The following ZNF326 variants were observed in gnomAD, a reference collection of about 807,000 sequenced individuals.
ZNF326 encodes zinc finger protein 326.
In ZNF326, 30 loss-of-function variants were observed where a neutral mutation model predicts 63.1. The observed-to-expected ratio is 0.48, with a 90% CI of 0.36 to 0.64. The LOEUF is 0.64. Ranked by LOEUF, ZNF326 falls within the 30% of genes least tolerant of loss-of-function variation. The pLI is 0.00. For missense variants in ZNF326, 609 were observed against 720.3 expected (o/e 0.85, Z 1.77); for synonymous variants, 194 against 228.2 (o/e 0.85, Z 1.35).
At chr1:90,010,385 C>A in intron 6 of ZNF326, 99 bp downstream of exon 6, 1 of 1,244,836 alleles carries the variant, frequency 8.0e-7, no homozygotes, top group South Asian at 1.5e-5. Context: ...ACAGAAACTA[C>A]ATAACAATTA....
chr1:90,012,108 A>G (rs1296373059), intron 6 of ZNF326, among the ~76,000 whole-genome samples: 1 of 152,218 alleles, frequency 6.6e-6, no homozygotes, highest in Non-Finnish European at 1.5e-5. Flanking sequence ...TGCTAAGATT[A>G]CAGGCATGAG....
rs562691106 is a variant in ZNF326, at chr1:90,026,164, C to T, written c.1402-1190C>T. 1.5e-3 allele frequency among the ~76,000 whole-genome samples: 222 copies of T among 152,096 alleles called. 2 individuals are homozygous for T. Among genetic ancestry groups the T allele is most frequent in the African/African-American group, 4.9e-3 (202 of 41,512 alleles). ...ATGTTTAGTGGAGTCGGGGTTTCAC[C>T]GTGTTAGCCAGGATGATCTCAATCT... On this transcript the variant is annotated intron_variant, in intron 11 of 11. Transcript: ENST00000340281.
At chr1:90,026,830 G>A (rs1270047148) in intron 11 of ZNF326, among the ~76,000 whole-genome samples, 2 of 152,108 alleles carry the variant, frequency 1.3e-5, no homozygotes, top group Non-Finnish European at 2.9e-5. Flanking sequence ...TATAATTGAA[G>A]TATTAAAATA....
In ZNF326 at chr1:90,033,059, C is replaced by T. The variant is rs960571887; in HGVS notation, c.*5358C>T. On this transcript the variant is annotated 3_prime_UTR_variant, in exon 12 of 12. Coordinates refer to ENST00000340281, the MANE Select transcript of ZNF326 (RefSeq NM_182976.4). Reference sequence around the variant, plus strand: ...ATTAAAATGCTAGGTTTCCTGTAATCGCAATCTTCAGGGAATTTTTCACTC... The same window carrying T: ...ATTAAAATGCTAGGTTTCCTGTAATTGCAATCTTCAGGGAATTTTTCACTC... 2 of 152,246 alleles carry T rather than the reference C, an allele frequency of 1.3e-5. No homozygotes were observed. Among genetic ancestry groups the T allele is most frequent in the Middle Eastern group, 3.4e-3 (1 of 294 alleles). The allele number at this position is 152,246 out of a possible 1,614,324, so 9.4% of individuals were successfully genotyped here. A position where few individuals can be genotyped will look rare whatever the true frequency, so the allele number is the denominator to read the frequency against.
chr1:90,027,418 A>T lies in ZNF326; in HGVS notation c.1466A>T (p.Asp489Val), dbSNP rs1342867371. Residue 489 changes from aspartate to valine, a missense_variant, in exon 12 of 12, where the codon GAT becomes GTT. By Grantham distance (152) the Asp-to-Val change is radical. Around this residue, in one of 3 missense-constraint regions of ZNF326, gnomAD observed 399 missense variants for 444.3 expected, o/e 0.90. Coordinates refer to ENST00000340281, the MANE Select transcript of ZNF326 (RefSeq NM_182976.4). Reference protein sequence around the residue: ...QDQQIEGDEEDEEKIDEPIEE... With the variant: ...QDQQIEGDEEVEEKIDEPIEE... ...CAGCAAATAGAAGGAGATGAGGAGG[A>T]TGAAGAGAAGATTGATGAACCTATT... The T allele has an allele frequency of 1.2e-6, 2 of 1,614,080 alleles. No individual in the cohort carries two copies. The highest frequency in any genetic ancestry group is 1.7e-6 in the Non-Finnish European group (2 of 1,180,000).
Position 90,032,670 on chromosome 1 carries a change from T to C in ZNF326, c.*4969T>C, listed in dbSNP as rs937168223. ...TGCCGATGATAATTAAAGAATTACC[T>C]CCAGTTGTAGAGACAGCTCTGAGAT... On this transcript the variant is annotated 3_prime_UTR_variant, in exon 12 of 12. Transcript: ENST00000340281. 3 of 152,128 alleles carry C rather than the reference T, an allele frequency of 2.0e-5. No individual in the cohort carries two copies. Among genetic ancestry groups the C allele is most frequent in the African/African-American group, 7.2e-5 (3 of 41,430 alleles). 9.4% of individuals were successfully genotyped at this position (152,128 alleles called of 1,614,324 possible).
intron 11 of ZNF326, among the ~76,000 whole-genome samples, chr1:90,026,363 A>T (rs747243724): frequency 1.1e-4 from 16 of 152,006 alleles, no homozygotes; most frequent in Non-Finnish European, 1.8e-4. Flanking sequence ...GGGCCTTCCC[A>T]TTTAAGACCC....
At chr1:90,026,170 A>C (rs1193583091) in intron 11 of ZNF326, among the ~76,000 whole-genome samples, 2 of 151,974 alleles carry the variant, frequency 1.3e-5, no homozygotes, top group African/African-American at 4.8e-5. Flanking sequence ...TCACCGTGTT[A>C]GCCAGGATGA....
At position 90,031,845 on chromosome 1, in the gene ZNF326, C is replaced by G. The variant is rs1425090248; in HGVS notation, c.*4144C>G. 2 of 152,310 alleles carry G rather than the reference C, an allele frequency of 1.3e-5. No homozygotes were observed. The highest frequency in any genetic ancestry group is 2.9e-5 in the Non-Finnish European group (2 of 68,158). The allele number at this position is 152,310 out of a possible 1,614,324, so 9.4% of individuals were successfully genotyped here. A position where few individuals can be genotyped will look rare whatever the true frequency, so the allele number is the denominator to read the frequency against. ...AAAGTGCTGGGATTATAGGCATGAG[C>G]CACCGCGTCTGGCATACAAACTTTT... On this transcript the variant is annotated 3_prime_UTR_variant, in exon 12 of 12. Transcript: ENST00000340281.
rs745722042 is a variant in ZNF326 at position 90,017,349 on chromosome 1, G to C, written c.959G>C (p.Arg320Pro). The C allele has an allele frequency of 6.3e-7, 1 of 1,599,968 alleles. No homozygotes were observed. Among genetic ancestry groups the C allele is most frequent in the Non-Finnish European group, 8.5e-7 (1 of 1,175,576 alleles). Residue 320 changes from arginine to proline, a missense_variant, in exon 8 of 12, where the codon CGA becomes CCA. By Grantham distance (103) the Arg-to-Pro change is moderately radical. Coordinates refer to ENST00000340281, the MANE Select transcript of ZNF326 (RefSeq NM_182976.4). ...TTTACATGTTCATTTTGTAAATTTCGAACATTTGAAGAAAAAGATATTGAA... is the reference window on the plus strand; with the variant it reads ...TTTACATGTTCATTTTGTAAATTTCCAACATTTGAAGAAAAAGATATTGAA... ...MAFTCSFCKF[R>P]TFEEKDIELH...
intron 9 of ZNF326, 111 bp from the exon 10 acceptor site, chr1:90,020,681 C>A: frequency 9.4e-7 from 1 of 1,067,512 alleles, no homozygotes; most frequent in Non-Finnish European, 1.4e-6. Context: ...GCACTCTGAT[C>A]TTTATTTTGG....
Position 89,995,208 on chromosome 1 carries a change from G to A in ZNF326, c.-50G>A. The A allele has an allele frequency of 6.5e-7, 1 of 1,531,052 alleles. No individual in the cohort carries two copies. The highest frequency in any genetic ancestry group is 8.8e-7 in the Non-Finnish European group (1 of 1,142,122). The allele number at this position is 1,531,052 out of a possible 1,614,324, so 94.8% of individuals were successfully genotyped here. ...CGCGGGTCGCGGACGCTCGCCGCCG[G>A]CCATAGCTCAGCCTAGCGCCGCCAA... On this transcript the variant is annotated 5_prime_UTR_variant, in exon 1 of 12. Transcript: ENST00000340281.
At chr1:90,006,006 G>T (rs1648967320) in intron 4 of ZNF326, 8 of 985,284 alleles carry the variant, frequency 8.1e-6, no homozygotes, top group Non-Finnish European at 9.6e-6. Context: ...AGGCACAAAG[G>T]TTCCTGCTGA....
At position 90,028,743 on chromosome 1, in the gene ZNF326, C is replaced by T. The variant is rs999932735; in HGVS notation, c.*1042C>T. On this transcript the variant is annotated 3_prime_UTR_variant, in exon 12 of 12. Coordinates refer to ENST00000340281, the MANE Select transcript of ZNF326 (RefSeq NM_182976.4). ...CTTAAATAATTTATTTTCAAACAAC[C>T]GTCTATGTCACTAAAAAGTAGTGCT... 4.6e-5 allele frequency: 7 copies of T among 151,678 alleles called. No homozygotes were observed. The highest frequency in any genetic ancestry group is 1.0e-4 in the Non-Finnish European group (7 of 67,976). 9.4% of individuals were successfully genotyped at this position (151,678 alleles called of 1,614,324 possible). A position where few individuals can be genotyped will look rare whatever the true frequency, so the allele number is the denominator to read the frequency against.
At chr1:89,996,603 A>G (rs1648387534) in intron 1 of ZNF326, among the ~76,000 whole-genome samples, 3 of 152,060 alleles carry the variant, frequency 2.0e-5, no homozygotes, top group Admixed American at 6.6e-5. Context: ...GCTGGGCACG[A>G]TGGCTCACAC....
At chr1:90,004,508 A>G (rs1193682613) in intron 2 of ZNF326, among the ~76,000 whole-genome samples, 1 of 152,240 alleles carries the variant, frequency 6.6e-6, no homozygotes, top group African/African-American at 2.4e-5. Flanking sequence ...AGTACTTAAT[A>G]CAAGGCCTTA....
At chr1:90,016,073 T>C (rs1221034154) in intron 7 of ZNF326, among the ~76,000 whole-genome samples, 7 of 152,142 alleles carry the variant, frequency 4.6e-5, no homozygotes, top group African/African-American at 1.7e-4. Context: ...AGTAATGTGC[T>C]CTTACCTCCT....
At chr1:90,009,843 C>T (rs933516311) in intron 5 of ZNF326, among the ~76,000 whole-genome samples, 19 of 151,974 alleles carry the variant, frequency 1.3e-4, no homozygotes, top group Non-Finnish European at 2.6e-4. Context: ...AAAGTAAAAA[C>T]ATAGTTAGCA....
rs1296710483 is a variant in ZNF326, at chr1:90,030,090, G to T, written c.*2389G>T. Reference sequence around the variant, plus strand: ...ATTTATAACCTACACAGTTGTTTCAGCTCCATGCCTAGGGACTATCCTGTA... The same window carrying T: ...ATTTATAACCTACACAGTTGTTTCATCTCCATGCCTAGGGACTATCCTGTA... On this transcript the variant is annotated 3_prime_UTR_variant, in exon 12 of 12. Coordinates refer to ENST00000340281, the MANE Select transcript of ZNF326 (RefSeq NM_182976.4). The T allele has an allele frequency of 2.0e-5, 3 of 152,166 alleles. No homozygotes were observed. The highest frequency in any genetic ancestry group is 4.4e-5 in the Non-Finnish European group (3 of 68,010). 9.4% of individuals were successfully genotyped at this position (152,166 alleles called of 1,614,324 possible). A position where few individuals can be genotyped will look rare whatever the true frequency, so the allele number is the denominator to read the frequency against.
Sources: gnomAD v4.1 joint callset for allele counts (sites outside exome capture counted in the v4.1 genomes callset) on GRCh38, gnomAD v4.1.1 for gene constraint, gnomAD v4.1.1 regional missense constraint, MANE v1.5 for transcripts, NCBI Gene and HGNC (gene_info 2026-07-23, HGNC 2026-07-21) for gene names.